Variants in NAPRT observed in about 807,000 individuals in gnomAD.
NAPRT encodes the protein nicotinate phosphoribosyltransferase.
NAPRT carries 66 observed loss-of-function variants against 60.7 expected under a neutral mutation model. The observed-to-expected ratio is 1.09, with a 90% CI of 0.89 to 1.33. The LOEUF (loss-of-function observed/expected upper bound fraction) is 1.33, where lower values mean the gene tolerates loss of function less well. Ranked by LOEUF, NAPRT falls within the 40% of genes most tolerant of loss-of-function variation. The pLI, the probability that NAPRT is intolerant of heterozygous loss-of-function variation, is 0.00. For synonymous variants in NAPRT, 405 were observed against 335.7 expected (o/e 1.21, Z -2.26); for missense variants, 818 against 731.5 (o/e 1.12, Z -1.36).
At position 143,576,834 on chromosome 8, in the gene NAPRT, C is replaced by T. The variant is rs756562039; in HGVS notation, c.693G>A (p.Ala231=). 2.1e-5 allele frequency: 34 copies of T among 1,597,268 alleles called. No homozygotes were observed. The highest frequency in any genetic ancestry group is 9.4e-5 in the African/African-American group (7 of 74,544). The change falls in exon 6 of 13, where the codon GCG becomes GCA. Residue 231 remains alanine (A), a synonymous_variant. Coordinates refer to ENST00000449291, the MANE Select transcript of NAPRT (RefSeq NM_145201.6). ...GSEVPPDPML[A]PAAGEGPGVD... ...CCCCAGGGCCCTCACCAGCTGCTGG[C>T]GCCAACATCTGTGGAACAGAGTCGG...
rs1462199767 is a variant in NAPRT at position 143,578,235 on chromosome 8, G to C, written c.84C>G (p.Gly28=). 1.3e-6 allele frequency: 2 copies of C among 1,500,872 alleles called. No individual in the cohort carries two copies. The highest frequency in any genetic ancestry group is 2.9e-5 in the African/African-American group (2 of 68,402). The allele number at this position is 1,500,872 out of a possible 1,614,324, so 93.0% of individuals were successfully genotyped here. ...CCCGCGCCCGGCCCGCGCGCCAATA[G>C]CCCAACGCCATGGTGGCCTGGTAGA... ...TDLYQATMAL[G]YWRAGRARDA... The change falls in exon 1 of 13, where the codon GGC becomes GGG. Residue 28 remains glycine (G), a synonymous_variant. Transcript: ENST00000449291.
intron 6 of NAPRT, 22 bp downstream of exon 6, chr8:143,576,624 C>T: frequency 6.2e-7 from 1 of 1,605,640 alleles, no homozygotes. Flanking sequence ...GCTGAGCCCA[C>T]CCCTAAAGTG....
rs1340653500 is a variant in NAPRT at position 143,576,511 on chromosome 8, C to T, written c.943G>A (p.Val315Met). 6.2e-6 allele frequency: 10 copies of T among 1,612,488 alleles called. No homozygotes were observed. The highest frequency in any genetic ancestry group is 1.6e-4 in the Middle Eastern group (1 of 6,078). The change falls in exon 7 of 13, where the codon GTG becomes ATG. Residue 315 changes from valine to methionine, a missense_variant. Transcript: ENST00000449291. Reference sequence around the variant, plus strand: ...TCACCACTGTCCAGCCTCACGCCCACTGCCCGGTAGCCCAGCTCTCCCAGG... The same window carrying T: ...TCACCACTGTCCAGCCTCACGCCCATTGCCCGGTAGCCCAGCTCTCCCAGG... The part of the protein sequence containing the change: ...LALGELGYRA[V>M]GVRLDSGDLL...
chr8:143,576,361 C>T (rs995632622), intron 7 of NAPRT, 71 bp downstream of exon 7: 29 of 1,538,274 alleles, frequency 1.9e-5, no homozygotes, highest in Non-Finnish European at 2.4e-5. Context: ...GAGTACCTCA[C>T]TGTCCTTCCC....
chr8:143,577,314 CCT>C lies in NAPRT; in HGVS notation c.521_522del (p.Gln174ArgfsTer53), dbSNP rs1824543032. Reference sequence around the variant, plus strand: ...GAGGCTGTCAGGCCCCCATCGGGGCCCTGAGCCCGCCTCAGGCCCATCTCTAG... The same window carrying C: ...GAGGCTGTCAGGCCCCCATCGGGGCCGAGCCCGCCTCAGGCCCATCTCTAG... ...RLLEMGLRRAQGPDGGLTAST... is the reference protein window; with the variant it reads ...RLLEMGLRRAXGPDGGLTAST... On this transcript the variant is annotated frameshift_variant, in exon 4 of 13. Transcript: ENST00000449291. LOFTEE classifies it high-confidence loss of function. 3.1e-6 allele frequency: 5 copies of C among 1,604,232 alleles called. No homozygotes were observed. Among genetic ancestry groups the C allele is most frequent in the Non-Finnish European group, 4.2e-6 (5 of 1,176,676 alleles).
rs775105826 is a variant in NAPRT at position 143,576,836 on chromosome 8, CCAA to C, written c.688_690del (p.Leu230del). On this transcript the variant is annotated inframe_deletion, in exon 6 of 13. Coordinates refer to ENST00000449291, the MANE Select transcript of NAPRT (RefSeq NM_145201.6). ...CCAGGGCCCTCACCAGCTGCTGGCG[CCAA>C]CATCTGTGGAACAGAGTCGGTGAAG... is the stretch of plus-strand genomic sequence containing the variant. 6.3e-7 allele frequency: 1 copy of C among 1,597,758 alleles called. No individual in the cohort carries two copies. The highest frequency in any genetic ancestry group is 2.2e-5 in the East Asian group (1 of 44,462).
rs1824342540 is a variant in NAPRT at position 143,575,175 on chromosome 8, G to A, written c.1446+16C>T. 1 of 1,599,440 alleles carries A rather than the reference G, an allele frequency of 6.3e-7. No individual in the cohort carries two copies. The highest frequency in any genetic ancestry group is 2.3e-5 in the East Asian group (1 of 44,086). On this transcript the variant is annotated intron_variant, in intron 11 of 12. Transcript: ENST00000449291. Reference sequence around the variant, plus strand: ...ACCGGGGCTGGGGGTCAGGATGAGGGCGGTGGGGCAGCCACCTGTCCCTGC... The same window carrying A: ...ACCGGGGCTGGGGGTCAGGATGAGGACGGTGGGGCAGCCACCTGTCCCTGC...
Position 143,577,288 on chromosome 8 carries a change from G to T in NAPRT, c.549C>A (p.Ser183=). 1 of 1,609,184 alleles carries T rather than the reference G, an allele frequency of 6.2e-7. No individual in the cohort carries two copies. The highest frequency in any genetic ancestry group is 8.5e-7 in the Non-Finnish European group (1 of 1,178,410). The stretch of plus-strand genomic sequence containing the variant: ...ACTCACCGCCCAGGTAGCTGTAGGT[G>T]GAGGCTGTCAGGCCCCCATCGGGGC... ...AQGPDGGLTA[S]TYSYLGGFDS... Residue 183 remains serine (S), a synonymous_variant, in exon 4 of 13, where the codon TCC becomes TCA. Coordinates refer to ENST00000449291, the MANE Select transcript of NAPRT (RefSeq NM_145201.6).
At position 143,577,349 on chromosome 8, in the gene NAPRT, TTC is replaced by T. The variant is rs538301892; in HGVS notation, c.486_487del (p.Lys163AlafsTer64). The T allele has an allele frequency of 9.3e-6, 15 of 1,607,272 alleles. No homozygotes were observed. In the South Asian group the frequency reaches 1.6e-4, roughly 17 times the overall value. ...CCTCAGGCCCATCTCTAGCAGCCGC[TTC>T]TCTGGCCCTGCGATCAAGCGAAGCC... On this transcript the variant is annotated frameshift_variant, in exon 4 of 13. Transcript: ENST00000449291. LOFTEE classifies it high-confidence loss of function.
rs542809509 is a variant in NAPRT at position 143,576,765 on chromosome 8, ACACACCTGCTCCAGC to A, written c.747_761del (p.Trp249_Val253del). On this transcript the variant is annotated inframe_deletion, in exon 6 of 13. Transcript: ENST00000449291. ...CCTGCACCCCCAGCCCCAGGTGGGC[ACACACCTGCTCCAGC>A]CACACCTGGGCTTTGGCCGCCAGGT... 6.2e-7 allele frequency: 1 copy of A among 1,607,784 alleles called. No individual in the cohort carries two copies. Among genetic ancestry groups the A allele is most frequent in the Admixed American group, 1.7e-5 (1 of 59,700 alleles).
intron 3 of NAPRT, 43 bp downstream of exon 3, chr8:143,577,614 C>A (rs1322483061): frequency 3.3e-6 from 5 of 1,531,042 alleles, no homozygotes; most frequent in Non-Finnish European, 4.4e-6. Flanking sequence ...GCGCTGGGGG[C>A]CCATCCCATG....
intron 3 of NAPRT, 113 bp downstream of exon 3, chr8:143,577,544 G>A (rs538371460): frequency 2.8e-6 from 4 of 1,452,218 alleles, no homozygotes; most frequent in South Asian, 1.3e-5. Context: ...GGGGGCGGGA[G>A]GCCAGTCCTG....
rs1392687701 is a variant in NAPRT at position 143,578,253 on chromosome 8, C to T, written c.66G>A (p.Gln22=). The change falls in exon 1 of 13, where the codon CAG becomes CAA. Residue 22 remains glutamine (Q), a synonymous_variant. Coordinates refer to ENST00000449291, the MANE Select transcript of NAPRT (RefSeq NM_145201.6). The part of the protein sequence containing the change: ...AARPLLTDLY[Q]ATMALGYWRA... ...GCCAATAGCCCAACGCCATGGTGGC[C>T]TGGTAGAGGTCAGTGAGCAGCGGCC... 7 of 1,484,848 alleles carry T rather than the reference C, an allele frequency of 4.7e-6. No homozygotes were observed. The highest frequency in any genetic ancestry group is 4.4e-5 in the African/African-American group (3 of 67,724). The allele number at this position is 1,484,848 out of a possible 1,614,324, so 92.0% of individuals were successfully genotyped here. A position where few individuals can be genotyped will look rare whatever the true frequency, so the allele number is the denominator to read the frequency against.
Position 143,578,293 on chromosome 8 carries a change from GCC to G in NAPRT, c.24_25del (p.Glu8AspfsTer11), listed in dbSNP as rs1434598916. The stretch of plus-strand genomic sequence containing the variant: ...GAGCAGCGGCCGCGCCGCCGCGCGC[GCC>G]TCGGGGTCCTGCTCCGCCGCCATCC... On this transcript the variant is annotated frameshift_variant, in exon 1 of 13. Coordinates refer to ENST00000449291, the MANE Select transcript of NAPRT (RefSeq NM_145201.6). LOFTEE classifies it high-confidence loss of function. The G allele has an allele frequency of 2.9e-6, 4 of 1,402,174 alleles. No individual in the cohort carries two copies. Among genetic ancestry groups the G allele is most frequent in the Non-Finnish European group, 3.7e-6 (4 of 1,085,800 alleles). 86.9% of individuals were successfully genotyped at this position (1,402,174 alleles called of 1,614,324 possible).
rs754054815 is a variant in NAPRT, at chr8:143,576,536, G to A, written c.918C>T (p.Ala306=). The change falls in exon 7 of 13, where the codon GCC becomes GCT. Residue 306 remains alanine (A), a synonymous_variant. Coordinates refer to ENST00000449291, the MANE Select transcript of NAPRT (RefSeq NM_145201.6). ...CTGCCCGGTAGCCCAGCTCTCCCAG[G>A]GCCAGGGCGACTGCTAGGAAGTTGG... ...GLPNFLAVAL[A]LGELGYRAVG... 5.0e-6 allele frequency: 8 copies of A among 1,612,028 alleles called. No individual in the cohort carries two copies. In the African/African-American group the frequency reaches 5.3e-5, roughly 11 times the overall value.
In NAPRT at chr8:143,575,645, G is replaced by T; in HGVS notation, c.1165C>A (p.Pro389Thr). The T allele has an allele frequency of 1.9e-6, 3 of 1,595,496 alleles. No individual in the cohort carries two copies. Among genetic ancestry groups the T allele is most frequent in the Non-Finnish European group, 2.6e-6 (3 of 1,171,862 alleles). ...GTSVVTCPQQPSLGGVYKLVA... is the reference protein window; with the variant it reads ...GTSVVTCPQQTSLGGVYKLVA... ...ACCTTATAGACGCCACCCAGGGAAG[G>T]CTGTTGGGGGCAGGTGACCACACTG... Residue 389 changes from proline (P) to threonine (T), a missense_variant, in exon 9 of 13, where the codon CCT becomes ACT. By Grantham distance (38) the Pro-to-Thr change is conservative. Transcript: ENST00000449291.
At chr8:143,573,743 G>GC (rs1824221742), downstream of NAPRT, 2 of 15,510 alleles carry the variant, frequency 1.3e-4, no homozygotes, top group East Asian at 5.3e-3. Context: ...CCCTGGGGGT[G>GC]CCTGGGGTGT....
Position 143,576,527 on chromosome 8 carries a change from C to A in NAPRT, c.927G>T (p.Glu309Asp). The A allele has an allele frequency of 6.2e-7, 1 of 1,612,398 alleles. No individual in the cohort carries two copies. The highest frequency in any genetic ancestry group is 8.5e-7 in the Non-Finnish European group (1 of 1,179,732). Residue 309 changes from glutamate to aspartate, a missense_variant, in exon 7 of 13, where the codon GAG becomes GAT. Coordinates refer to ENST00000449291, the MANE Select transcript of NAPRT (RefSeq NM_145201.6). ...TCACGCCCACTGCCCGGTAGCCCAG[C>A]TCTCCCAGGGCCAGGGCGACTGCTA... ...NFLAVALALGELGYRAVGVRL... is the reference protein window; with the variant it reads ...NFLAVALALGDLGYRAVGVRL...
At chr8:143,574,647 G>T (rs376932240), downstream of NAPRT, 2 of 706,982 alleles carry the variant, frequency 2.8e-6, no homozygotes, top group Admixed American at 4.4e-5. Context: ...CTCCCACGCC[G>T]GCAGGGCCTG....
Sources: gnomAD v4.1 joint callset for allele counts on GRCh38, gnomAD v4.1.1 for gene constraint, MANE v1.5 for transcripts, NCBI Gene and HGNC (gene_info 2026-07-23, HGNC 2026-07-21) for gene names.